Variants in CHD6 observed in about 807,000 individuals in gnomAD.
CHD6 encodes the protein chromodomain helicase DNA binding protein 6, also known as ATP-dependent chromatin remodeler CHD6.
Under a neutral mutation model 276.9 loss-of-function variants are expected in CHD6, and 50 were observed. The observed-to-expected ratio is 0.18, with a 90% CI of 0.14 to 0.23. CHD6 has a LOEUF of 0.23. Among genes scored for constraint, CHD6 ranks in the 10% least tolerant of loss-of-function variants. CHD6 has a pLI of 1.00. For synonymous variants in CHD6, 1,173 were observed against 1,229.3 expected (o/e 0.95, Z 0.96); for missense variants, 2,564 against 3,365.8 (o/e 0.76, Z 5.89).
intron 2 of CHD6, among the ~76,000 whole-genome samples, chr20:41,547,105 GAATGA>G (rs2045057465): frequency 1.3e-5 from 2 of 152,174 alleles, no homozygotes; most frequent in Non-Finnish European, 2.9e-5. Flanking sequence ...GAATTAATAG[GAATGA>G]GGGTTTTTAA....
intron 29 of CHD6, among the ~76,000 whole-genome samples, chr20:41,423,947 C>T (rs1600824561): frequency 6.6e-6 from 1 of 152,246 alleles, no homozygotes; most frequent in East Asian, 1.9e-4. Flanking sequence ...GTATTTACCT[C>T]CCTATTTCTA....
intron 1 of CHD6, among the ~76,000 whole-genome samples, chr20:41,612,031 T>C (rs956886715): frequency 1.3e-5 from 2 of 152,194 alleles, no homozygotes; most frequent in Non-Finnish European, 2.9e-5. Context: ...TCTTTCCCAA[T>C]CTATGGCCAA....
chr20:41,557,514 A>C lies in CHD6; in HGVS notation c.-23-6154T>G, dbSNP rs549526523. ...CAGTGTTGTGTAATAGTAACTTTTAAAAAATAACAAAAAAATCAGGTTCAC... is the reference window on the plus strand; with the variant it reads ...CAGTGTTGTGTAATAGTAACTTTTACAAAATAACAAAAAAATCAGGTTCAC... On this transcript the variant is annotated intron_variant, in intron 1 of 36. Coordinates refer to ENST00000373233, the MANE Select transcript of CHD6 (RefSeq NM_032221.5). 2.6e-5 allele frequency among the ~76,000 whole-genome samples: 4 copies of C among 152,234 alleles called. No individual in the cohort carries two copies. The South Asian group carries it at 8.3e-4, about 32-fold the overall frequency.
At position 41,452,156 on chromosome 20, in the gene CHD6, G is replaced by T; in HGVS notation, c.3324-131C>A. Reference sequence around the variant, plus strand: ...TGTAGGTCTGTTAATCATCCCAAGGGCTTTGTCCCGAAAGGCCTTTGAGGA... The same window carrying T: ...TGTAGGTCTGTTAATCATCCCAAGGTCTTTGTCCCGAAAGGCCTTTGAGGA... On this transcript the variant is annotated intron_variant, in intron 21 of 36. Transcript: ENST00000373233. This position sits in a 1 kb window ranked among gnomAD's most constrained non-coding sequence, Gnocchi z 4.2. 1.4e-6 allele frequency: 1 copy of T among 724,832 alleles called. No homozygotes were observed. The highest frequency in any genetic ancestry group is 2.4e-6 in the Non-Finnish European group (1 of 420,130). 44.9% of individuals were successfully genotyped at this position (724,832 alleles called of 1,614,324 possible). A position where few individuals can be genotyped will look rare whatever the true frequency, so the allele number is the denominator to read the frequency against.
intron 13 of CHD6, among the ~76,000 whole-genome samples, 157 bp from the exon 14 acceptor site, chr20:41,487,965 T>C (rs1050352433): frequency 6.6e-6 from 1 of 152,192 alleles, no homozygotes; most frequent in South Asian, 2.1e-4. Context: ...GTACAGTCAA[T>C]AAACGAATCA....
In CHD6 at chr20:41,403,859, T is replaced by C. The variant is rs564943824; in HGVS notation, c.*734A>G. On this transcript the variant is annotated 3_prime_UTR_variant, in exon 37 of 37. Transcript: ENST00000373233. ...CACCCCCGTCGACAGCAATAACTCATGGTGGGTAAAGCTTTCTCGCAGCAA... is the reference window on the plus strand; with the variant it reads ...CACCCCCGTCGACAGCAATAACTCACGGTGGGTAAAGCTTTCTCGCAGCAA... The C allele has an allele frequency of 8.5e-6, 9 of 1,057,076 alleles. No individual in the cohort carries two copies. Among genetic ancestry groups the C allele is most frequent in the Non-Finnish European group, 1.0e-5 (9 of 874,200 alleles). The allele number at this position is 1,057,076 out of a possible 1,614,324, so 65.5% of individuals were successfully genotyped here.
At chr20:41,539,329 C>T (rs780336435) in intron 2 of CHD6, among the ~76,000 whole-genome samples, 1 of 152,200 alleles carries the variant, frequency 6.6e-6, no homozygotes, top group Non-Finnish European at 1.5e-5. Flanking sequence ...CTGACTGACA[C>T]ACATTAACCT....
intron 1 of CHD6, among the ~76,000 whole-genome samples, chr20:41,591,602 A>G (rs2045661738): frequency 6.6e-6 from 1 of 152,136 alleles, no homozygotes; most frequent in African/African-American, 2.4e-5. Flanking sequence ...CTGAGGCAGG[A>G]GAATCACTTG....
intron 1 of CHD6, among the ~76,000 whole-genome samples, chr20:41,603,925 A>C (rs2045799380): frequency 2.0e-5 from 3 of 151,444 alleles, no homozygotes; most frequent in Admixed American, 1.3e-4. Flanking sequence ...CCAAGATTCT[A>C]CATCCAGCTG....
intron 2 of CHD6, among the ~76,000 whole-genome samples, chr20:41,536,655 A>C (rs1337330181): frequency 1.3e-5 from 2 of 152,246 alleles, no homozygotes; most frequent in Non-Finnish European, 2.9e-5. Flanking sequence ...AAAGCCTTGA[A>C]ATAATATGCT....
chr20:41,446,992 C>A (rs2048090089), intron 24 of CHD6, among the ~76,000 whole-genome samples: 1 of 152,160 alleles, frequency 6.6e-6, no homozygotes, highest in Non-Finnish European at 1.5e-5. Flanking sequence ...CAAATTGAAC[C>A]TGTCTACCAA....
intron 17 of CHD6, among the ~76,000 whole-genome samples, chr20:41,468,193 T>C (rs1178078480): frequency 1.3e-5 from 2 of 150,464 alleles, no homozygotes; most frequent in Non-Finnish European, 3.0e-5. Flanking sequence ...CAGTGCAACC[T>C]CCACCTCCCA....
chr20:41,612,826 G>A (rs1388225484), intron 1 of CHD6, among the ~76,000 whole-genome samples: 1 of 152,012 alleles, frequency 6.6e-6, no homozygotes, highest in Non-Finnish European at 1.5e-5. Flanking sequence ...TAAAGCTTAG[G>A]TATTTTCCCT....
intron 1 of CHD6, among the ~76,000 whole-genome samples, chr20:41,606,451 T>C (rs1352029761): frequency 1.3e-5 from 2 of 152,114 alleles, no homozygotes; most frequent in African/African-American, 4.8e-5. Context: ...GAGGTGGAGT[T>C]TGCAGTGAGC....
chr20:41,460,399 G>C (rs776482052), intron 17 of CHD6, among the ~76,000 whole-genome samples: 5 of 152,208 alleles, frequency 3.3e-5, no homozygotes, highest in Admixed American at 6.5e-5. Flanking sequence ...CCATGTCAGA[G>C]ACCTTCATGG....
chr20:41,549,220 A>G (rs896374131), intron 2 of CHD6, among the ~76,000 whole-genome samples: 3 of 152,050 alleles, frequency 2.0e-5, no homozygotes, highest in African/African-American at 4.8e-5. Flanking sequence ...ACTATTCACA[A>G]TAGCAAAGAC....
intron 1 of CHD6, among the ~76,000 whole-genome samples, chr20:41,554,431 C>A (rs1374200951): frequency 6.6e-6 from 1 of 151,256 alleles, no homozygotes; most frequent in Non-Finnish European, 1.5e-5. Flanking sequence ...TTGGGTGTTT[C>A]TCGCAGAGGG....
chr20:41,545,189 G>C (rs562201605), intron 2 of CHD6, among the ~76,000 whole-genome samples: 2 of 151,992 alleles, frequency 1.3e-5, no homozygotes, highest in Admixed American at 1.3e-4. Flanking sequence ...TCTTTTCCAC[G>C]TGATGCCCTT....
chr20:41,545,834 T>C (rs1004930192), intron 2 of CHD6, among the ~76,000 whole-genome samples: 1 of 152,120 alleles, frequency 6.6e-6, no homozygotes, highest in African/African-American at 2.4e-5. Flanking sequence ...CCTCCTAAGC[T>C]TTCCTCCTGA....
Sources: gnomAD v4.1 joint callset for allele counts (sites outside exome capture counted in the v4.1 genomes callset) on GRCh38, gnomAD v4.1.1 for gene constraint, Gnocchi (gnomAD v3.1) non-coding constraint, MANE v1.5 for transcripts, NCBI Gene and HGNC (gene_info 2026-07-23, HGNC 2026-07-21) for gene names.